PPM1D: variants seen among roughly 807,000 people sequenced by gnomAD.
The protein encoded by PPM1D is protein phosphatase, Mg2+/Mn2+ dependent 1D.
In PPM1D, 52 loss-of-function variants were observed where a neutral mutation model predicts 58.3. The observed-to-expected ratio is 0.89, with a 90% CI of 0.71 to 1.12. PPM1D has a LOEUF of 1.12. Ranked by LOEUF, PPM1D falls within the 50% of genes most tolerant of loss-of-function variation. PPM1D has a pLI of 0.00. For synonymous variants in PPM1D, 278 were observed against 285.1 expected (o/e 0.98, Z 0.25); for missense variants, 564 against 777.2 (o/e 0.73, Z 3.26).
At chr17:60,652,550 G>GTTTTTTTTTTTT (rs776162517) in intron 4 of PPM1D, among the ~76,000 whole-genome samples, 17 of 67,634 alleles carry the variant, frequency 2.5e-4, no homozygotes, top group Non-Finnish European at 3.0e-4. Flanking sequence ...GTTTACTTCT[G>GTTTTTTTTTTTT]TTTTTTTTTT....
chr17:60,662,668 A>G (rs1435687595), intron 5 of PPM1D, among the ~76,000 whole-genome samples: 1 of 152,088 alleles, frequency 6.6e-6, no homozygotes, highest in East Asian at 1.9e-4. Context: ...TCCTTAATGT[A>G]TCTTATTTTT....
At chr17:60,648,550 A>T (rs1283094446) in intron 4 of PPM1D, among the ~76,000 whole-genome samples, 7 of 151,598 alleles carry the variant, frequency 4.6e-5, no homozygotes, top group Admixed American at 2.6e-4. Flanking sequence ...ACACGCGGCT[A>T]ATTTTTGTAT....
At chr17:60,626,156 A>G (rs952144073) in intron 2 of PPM1D, among the ~76,000 whole-genome samples, 2 of 152,086 alleles carry the variant, frequency 1.3e-5, no homozygotes, top group South Asian at 2.1e-4. Flanking sequence ...ATCTGCACAT[A>G]TGTGTTTTTG....
chr17:60,632,265 G>A (rs1275485137), intron 2 of PPM1D, among the ~76,000 whole-genome samples: 1 of 151,932 alleles, frequency 6.6e-6, no homozygotes, highest in Non-Finnish European at 1.5e-5. Flanking sequence ...ACACATTTTA[G>A]GAGGGTTTTC....
intron 4 of PPM1D, among the ~76,000 whole-genome samples, chr17:60,650,591 A>G (rs970659064): frequency 6.6e-6 from 1 of 151,780 alleles, no homozygotes; most frequent in South Asian, 2.1e-4. Context: ...ACACAAATAC[A>G]TAAGTAGTAG....
chr17:60,657,069 T>C lies in PPM1D; in HGVS notation c.1260+228T>C, dbSNP rs973133864. The C allele has an allele frequency of 2.1e-6, 3 of 1,428,066 alleles. No homozygotes were observed. In the African/African-American group the frequency reaches 4.3e-5, roughly 21 times the overall value. The allele number at this position is 1,428,066 out of a possible 1,614,324, so 88.5% of individuals were successfully genotyped here. On this transcript the variant is annotated intron_variant, in intron 5 of 5. Transcript: ENST00000305921. ...TGATTGTGGGCCCTTAAGAATATTATTGTTTGCCATCTAATGCTATGAACA... is the reference window on the plus strand; with the variant it reads ...TGATTGTGGGCCCTTAAGAATATTACTGTTTGCCATCTAATGCTATGAACA...
intron 1 of PPM1D, among the ~76,000 whole-genome samples, chr17:60,619,138 G>GT (rs1390141594): frequency 2.7e-5 from 4 of 149,714 alleles, no homozygotes; most frequent in Admixed American, 2.7e-4. Flanking sequence ...CACAGTATTT[G>GT]TTTTTTCTGT....
chr17:60,662,683 A>ACCT (rs1163215451), intron 5 of PPM1D, among the ~76,000 whole-genome samples: 1 of 152,106 alleles, frequency 6.6e-6, no homozygotes, highest in South Asian at 2.1e-4. Flanking sequence ...ATTTTTGTTT[A>ACCT]CCTGCCAATG....
intron 1 of PPM1D, among the ~76,000 whole-genome samples, chr17:60,619,615 A>G (rs150124275): frequency 2.3e-4 from 35 of 150,696 alleles, no homozygotes; most frequent in Non-Finnish European, 4.4e-4. Context: ...TATTTTTTTA[A>G]TTTTTTTTTA....
intron 4 of PPM1D, among the ~76,000 whole-genome samples, chr17:60,654,142 T>C (rs573779257): frequency 6.6e-6 from 1 of 152,138 alleles, no homozygotes; most frequent in African/African-American, 2.4e-5. Context: ...TTTTTCCCCA[T>C]TCAGTATTGA....
chr17:60,648,634 C>T (rs1052290692), intron 4 of PPM1D, among the ~76,000 whole-genome samples: 2 of 152,172 alleles, frequency 1.3e-5, no homozygotes, highest in African/African-American at 4.8e-5. Flanking sequence ...CCTGCCTTGG[C>T]CTCCCAAAGT....
At chr17:60,640,662 T>C (rs977720066) in intron 3 of PPM1D, among the ~76,000 whole-genome samples, 8 of 152,142 alleles carry the variant, frequency 5.3e-5, no homozygotes, top group Non-Finnish European at 1.0e-4. Context: ...TAGTACCCAA[T>C]TGTTAGTTTT....
At chr17:60,652,496 T>C (rs934605666) in intron 4 of PPM1D, among the ~76,000 whole-genome samples, 1 of 151,982 alleles carries the variant, frequency 6.6e-6, no homozygotes, top group African/African-American at 2.4e-5. Flanking sequence ...ATTTTCTTTC[T>C]GTTGGATATA....
At chr17:60,601,688 A>G (rs2030215857) in intron 1 of PPM1D, among the ~76,000 whole-genome samples, 1 of 152,214 alleles carries the variant, frequency 6.6e-6, no homozygotes, top group African/African-American at 2.4e-5. Context: ...CATCAAAATA[A>G]GAAAAGGCAA....
At chr17:60,613,895 C>CT (rs1213778633) in intron 1 of PPM1D, among the ~76,000 whole-genome samples, 1 of 134,778 alleles carries the variant, frequency 7.4e-6, no homozygotes, top group Non-Finnish European at 1.6e-5. Context: ...CTGAGGCCCC[C>CT]CCCCCGCCAC....
intron 3 of PPM1D, among the ~76,000 whole-genome samples, chr17:60,645,524 ATATATATATGTG>A (rs1450667105): frequency 2.6e-5 from 3 of 114,424 alleles, no homozygotes; most frequent in South Asian, 2.3e-4. Context: ...ATATATATGT[ATATATATATGTG>A]TATATATATG....
intron 1 of PPM1D, among the ~76,000 whole-genome samples, chr17:60,604,922 G>T (rs755026783): frequency 8.5e-5 from 13 of 152,192 alleles, no homozygotes; most frequent in Non-Finnish European, 1.8e-4. Context: ...AGGTTCAAGC[G>T]ATTCTCGTGC....
intron 1 of PPM1D, among the ~76,000 whole-genome samples, chr17:60,623,091 AAAC>A (rs1168942879): frequency 2.6e-5 from 4 of 152,154 alleles, no homozygotes; most frequent in African/African-American, 9.7e-5. Flanking sequence ...CAAAACAGAA[AAAC>A]AAGTAGCTTT....
rs745566543 is a variant in PPM1D, at chr17:60,663,066, C to T, written c.1332C>T (p.Ala444=). Reference sequence around the variant, plus strand: ...TACCTGCCCTGGTTCGTAGCAATGCCTTCTCAGAGAATTTTTTAGAGGTTT... The same window carrying T: ...TACCTGCCCTGGTTCGTAGCAATGCTTTCTCAGAGAATTTTTTAGAGGTTT... ...DHIPALVRSN[A]FSENFLEVSA... is the part of the protein sequence containing the mutation. Residue 444 remains alanine (A), a synonymous_variant, in exon 6 of 6, where the codon GCC becomes GCT. Transcript: ENST00000305921. 3.7e-6 allele frequency: 6 copies of T among 1,613,984 alleles called. No homozygotes were observed. The East Asian group carries it at 1.3e-4, about 36-fold the overall frequency.
Sources: allele counts gnomAD v4.1 joint callset (sites outside exome capture counted in the v4.1 genomes callset), GRCh38; gene constraint gnomAD v4.1.1; transcripts MANE v1.5; gene names NCBI Gene and HGNC (gene_info 2026-07-23, HGNC 2026-07-21).